Variants in CATSPERT observed in about 807,000 individuals in gnomAD.
CATSPERT encodes catsper channel auxiliary subunit tau.
the CATSPERT span, among the ~76,000 whole-genome samples, chr2:201,606,988 C>T: frequency 2.2e-4 from 33 of 150,432 alleles, 2 homozygotes; most frequent in Admixed American, 2.0e-3. Context: ...GTTACTACTA[C>T]AGAAACCACC....
At chr2:201,512,662 A>G in the CATSPERT span, among the ~76,000 whole-genome samples, 1 of 152,108 alleles carries the variant, frequency 6.6e-6, no homozygotes, top group Non-Finnish European at 1.5e-5. Flanking sequence ...GTATGGATGT[A>G]CCAAAGTTTA....
chr2:201,564,270 TAG>T, the CATSPERT span, among the ~76,000 whole-genome samples: 1 of 152,220 alleles, frequency 6.6e-6, no homozygotes, highest in Non-Finnish European at 1.5e-5. Context: ...TTAGTGCTCC[TAG>T]CCCAGCTGGC....
At chr2:201,571,866 T>C in the CATSPERT span, 1 of 1,364,468 alleles carries the variant, frequency 7.3e-7, no homozygotes. Flanking sequence ...TCCACCAAAA[T>C]GCTCCACCAA....
At chr2:201,535,553 T>G in the CATSPERT span, 2 of 984,242 alleles carry the variant, frequency 2.0e-6, no homozygotes, top group Non-Finnish European at 2.4e-6. Context: ...GCTTTTAAAT[T>G]TCCTTTGAAT....
chr2:201,493,995 A>G, the CATSPERT span: 2 of 1,536,684 alleles, frequency 1.3e-6, no homozygotes, highest in Non-Finnish European at 1.7e-6. Flanking sequence ...GAATATTTTT[A>G]ATTACTTGAC....
the CATSPERT span, chr2:201,572,060 C>G: frequency 6.9e-7 from 1 of 1,454,998 alleles, no homozygotes; most frequent in Admixed American, 1.7e-5. Flanking sequence ...TGTTTAGTTT[C>G]AATTAAAACT....
At chr2:201,571,911 G>C in the CATSPERT span, 4 of 1,589,124 alleles carry the variant, frequency 2.5e-6, no homozygotes, top group Non-Finnish European at 2.6e-6. Context: ...CACATGATCT[G>C]ACCATATTAA....
chr2:201,615,978 A>G, the CATSPERT span, among the ~76,000 whole-genome samples: 1 of 152,242 alleles, frequency 6.6e-6, no homozygotes, highest in African/African-American at 2.4e-5. Context: ...AAATTCCTGG[A>G]CACATACACC....
At chr2:201,566,981 T>C in the CATSPERT span, among the ~76,000 whole-genome samples, 2 of 152,190 alleles carry the variant, frequency 1.3e-5, no homozygotes, top group Non-Finnish European at 2.9e-5. Context: ...ATTAAACAAC[T>C]CCTCCCAAGG....
the CATSPERT span, chr2:201,553,157 C>T: frequency 6.6e-6 from 1 of 152,150 alleles, no homozygotes; most frequent in Non-Finnish European, 1.5e-5. Context: ...CTAGCCCCGA[C>T]CCCAGAACTG....
At chr2:201,585,451 C>T in the CATSPERT span, among the ~76,000 whole-genome samples, 3 of 148,700 alleles carry the variant, frequency 2.0e-5, no homozygotes, top group African/African-American at 7.4e-5. Flanking sequence ...ATTATGTCAC[C>T]AACTAACTCT....
chr2:201,581,370 C>T, the CATSPERT span, among the ~76,000 whole-genome samples: 1 of 145,430 alleles, frequency 6.9e-6, no homozygotes, highest in Admixed American at 6.9e-5. Flanking sequence ...AATTTATTTT[C>T]CAGAAAGTTA....
the CATSPERT span, among the ~76,000 whole-genome samples, chr2:201,518,973 T>C: frequency 6.6e-6 from 1 of 152,196 alleles, no homozygotes; most frequent in Admixed American, 6.5e-5. Context: ...ATTCTGATGT[T>C]TATGTAATGG....
chr2:201,525,249 T>A, the CATSPERT span, among the ~76,000 whole-genome samples: 1 of 152,064 alleles, frequency 6.6e-6, no homozygotes, highest in Non-Finnish European at 1.5e-5. Context: ...AAAAATTATA[T>A]CAACCATGCT....
At chr2:201,489,549 T>C in the CATSPERT span, among the ~76,000 whole-genome samples, 38 of 152,174 alleles carry the variant, frequency 2.5e-4, no homozygotes, top group African/African-American at 8.7e-4. Context: ...GTGTATAATA[T>C]ATAGCTATAT....
the CATSPERT span, among the ~76,000 whole-genome samples, chr2:201,563,479 T>A: frequency 1.1e-5 from 1 of 88,108 alleles, no homozygotes; most frequent in South Asian, 4.8e-4. Context: ...ACCCCCCACC[T>A]CCCTCCCGGA....
chr2:201,612,928 C>A, the CATSPERT span, among the ~76,000 whole-genome samples: 2 of 152,190 alleles, frequency 1.3e-5, no homozygotes, highest in African/African-American at 4.8e-5. Context: ...TGGAAGGTCC[C>A]ACGCCCACGG....
chr2:201,504,554 T>TA, the CATSPERT span, among the ~76,000 whole-genome samples: 1 of 152,150 alleles, frequency 6.6e-6, no homozygotes, highest in Non-Finnish European at 1.5e-5. Context: ...CCCACAAACT[T>TA]AAAGTGACCC....
chr2:201,565,580 C>G, the CATSPERT span: 3 of 769,812 alleles, frequency 3.9e-6, no homozygotes, highest in South Asian at 1.1e-4. Context: ...GAAATAATCT[C>G]TGAACCCATG....
Sources: gnomAD v4.1 joint callset for allele counts (sites outside exome capture counted in the v4.1 genomes callset) on GRCh38, gnomAD v4.1.1 for gene constraint, MANE v1.5 for transcripts, NCBI Gene and HGNC (gene_info 2026-07-23, HGNC 2026-07-21) for gene names.